The following ZFAT variants were observed in gnomAD, a reference collection of about 807,000 sequenced individuals.
ZFAT encodes the protein zinc finger and AT-hook domain containing, also known as zinc finger protein ZFAT.
ZFAT carries 64 observed loss-of-function variants against 117.7 expected under a neutral mutation model. The observed-to-expected ratio is 0.54, with a 90% confidence interval of 0.44 to 0.67. The LOEUF is 0.67. Among genes scored for constraint, ZFAT ranks in the 30% least tolerant of loss-of-function variants. The pLI is 0.00. For missense variants in ZFAT, 1,433 were observed against 1,584.5 expected (o/e 0.90, Z 1.62); for synonymous variants, 679 against 615.0 (o/e 1.10, Z -1.54).
At chr8:134,655,766 C>A (rs772138316) in intron 2 of ZFAT, among the ~76,000 whole-genome samples, 2 of 152,198 alleles carry the variant, frequency 1.3e-5, no homozygotes, top group Non-Finnish European at 2.9e-5. Flanking sequence ...TCTAGAAGTT[C>A]TTTCCACCTT....
At chr8:134,684,608 G>C (rs73711302) in intron 1 of ZFAT, among the ~76,000 whole-genome samples, 4,647 of 152,214 alleles carry the variant, frequency 0.031, 238 homozygotes, top group African/African-American at 0.11. Context: ...GGACAGGGTA[G>C]GGATATGTCT....
At chr8:134,578,638 C>A (rs990256140) in intron 10 of ZFAT, among the ~76,000 whole-genome samples, 1 of 152,006 alleles carries the variant, frequency 6.6e-6, no homozygotes, top group East Asian at 1.9e-4. Context: ...TGAGAATGGA[C>A]TTGTGGGGAC....
At chr8:134,708,472 A>G (rs1471898188) in intron 1 of ZFAT, among the ~76,000 whole-genome samples, 1 of 152,136 alleles carries the variant, frequency 6.6e-6, no homozygotes, top group African/African-American at 2.4e-5. Flanking sequence ...TTTTAATTTA[A>G]AAAAAGATTA....
chr8:134,828,066 C>T, the ZFAT span, among the ~76,000 whole-genome samples: 1 of 152,152 alleles, frequency 6.6e-6, no homozygotes. Flanking sequence ...ATTGTGTCCT[C>T]ATTAATCATA....
the ZFAT span, among the ~76,000 whole-genome samples, chr8:134,815,152 C>A: frequency 1.3e-5 from 2 of 152,154 alleles, no homozygotes; most frequent in African/African-American, 4.8e-5. Context: ...TCATCATGCT[C>A]GTATCTGAAA....
chr8:134,696,416 C>T, intron 1 of ZFAT: 1 of 985,616 alleles, frequency 1.0e-6, no homozygotes. Flanking sequence ...TGGAAACTCG[C>T]ATCGGGAGAA....
chr8:134,624,765 A>T (rs1404494779), intron 3 of ZFAT, among the ~76,000 whole-genome samples: 3 of 152,314 alleles, frequency 2.0e-5, no homozygotes, highest in East Asian at 3.9e-4. Context: ...AGTATCTCAC[A>T]TGTAACTCGT....
At chr8:134,555,717 A>C (rs1823531394) in intron 11 of ZFAT, among the ~76,000 whole-genome samples, 1 of 152,124 alleles carries the variant, frequency 6.6e-6, no homozygotes, top group Admixed American at 6.5e-5. Flanking sequence ...AAAGAAAAGA[A>C]AAAAAGTCAA....
chr8:134,489,184 G>A (rs1322742895), intron 15 of ZFAT, among the ~76,000 whole-genome samples: 1 of 152,124 alleles, frequency 6.6e-6, no homozygotes, highest in Non-Finnish European at 1.5e-5. Context: ...AGGTGTAGGA[G>A]GGGACTATGG....
the ZFAT span, among the ~76,000 whole-genome samples, chr8:134,773,036 G>A: frequency 6.8e-6 from 1 of 147,936 alleles, no homozygotes; most frequent in South Asian, 2.1e-4. Flanking sequence ...TGAGGCTGCA[G>A]TGAGCTATGA....
intron 2 of ZFAT, 112 bp from the exon 3 acceptor site, chr8:134,637,824 A>G (rs1347895655): frequency 1.4e-6 from 2 of 1,431,442 alleles, no homozygotes; most frequent in South Asian, 1.4e-5. Flanking sequence ...ATTAAAAATG[A>G]AAAGTCTAAA....
chr8:134,820,272 A>G, the ZFAT span, among the ~76,000 whole-genome samples: 1 of 152,208 alleles, frequency 6.6e-6, no homozygotes, highest in South Asian at 2.1e-4. Context: ...GATTCAGCCT[A>G]GGGATGAGAT....
chr8:134,829,328 T>C, the ZFAT span, among the ~76,000 whole-genome samples: 2 of 152,222 alleles, frequency 1.3e-5, no homozygotes, highest in African/African-American at 4.8e-5. Flanking sequence ...TTCTTCTTCT[T>C]CCAACGTGGC....
intron 1 of ZFAT, among the ~76,000 whole-genome samples, chr8:134,698,003 G>A (rs767504645): frequency 2.0e-4 from 31 of 151,744 alleles, no homozygotes; most frequent in Non-Finnish European, 1.6e-4. Context: ...GGAGCCACCA[G>A]GGCCGGTCAG....
intron 15 of ZFAT, among the ~76,000 whole-genome samples, chr8:134,503,766 A>C (rs1012234148): frequency 6.6e-6 from 1 of 152,118 alleles, no homozygotes; most frequent in African/African-American, 2.4e-5. Context: ...TCTCAAGCTG[A>C]AACACTGGCC....
At chr8:134,494,685 C>G (rs1327285649) in intron 15 of ZFAT, among the ~76,000 whole-genome samples, 1 of 152,172 alleles carries the variant, frequency 6.6e-6, no homozygotes, top group African/African-American at 2.4e-5. Context: ...AGCCCTTGCC[C>G]AAGGTAGAAA....
intron 15 of ZFAT, among the ~76,000 whole-genome samples, chr8:134,486,492 C>A (rs1422230182): frequency 2.0e-5 from 3 of 152,140 alleles, no homozygotes; most frequent in African/African-American, 7.2e-5. Context: ...TAAACCATGT[C>A]TTGGAGAACA....
At chr8:134,614,645 C>T (rs1411820568) in intron 3 of ZFAT, among the ~76,000 whole-genome samples, 1 of 152,178 alleles carries the variant, frequency 6.6e-6, no homozygotes, top group Non-Finnish European at 1.5e-5. Context: ...TAGAGCCAGA[C>T]AATGAAGAAG....
At chr8:134,668,851 T>C (rs539371417) in intron 1 of ZFAT, among the ~76,000 whole-genome samples, 1 of 152,192 alleles carries the variant, frequency 6.6e-6, no homozygotes, top group East Asian at 1.9e-4. Context: ...GCTAAAAACC[T>C]TGAAAAAAGA....
Sources: gnomAD v4.1 joint callset for allele counts (sites outside exome capture counted in the v4.1 genomes callset) on GRCh38, gnomAD v4.1.1 for gene constraint, MANE v1.5 for transcripts, NCBI Gene and HGNC (gene_info 2026-07-23, HGNC 2026-07-21) for gene names.